The following PM20D1 variants were observed in gnomAD, a reference collection of about 807,000 sequenced individuals.
PM20D1 encodes N-fatty-acyl-amino acid synthase/hydrolase PM20D1.
PM20D1 carries 53 observed loss-of-function variants against 53.8 expected under a neutral mutation model. The observed-to-expected ratio is 0.98, with a 90% CI of 0.79 to 1.24. PM20D1 has a LOEUF of 1.24. Ranked by LOEUF, PM20D1 falls within the 50% of genes most tolerant of loss-of-function variation. The pLI is 0.00. For missense variants in PM20D1, 564 were observed against 616.8 expected (o/e 0.91, Z 0.91); for synonymous variants, 239 against 241.3 (o/e 0.99, Z 0.09).
intron 9 of PM20D1, among the ~76,000 whole-genome samples, 192 bp from the exon 10 acceptor site, chr1:205,840,515 G>A (rs908095560): frequency 6.6e-6 from 1 of 152,184 alleles, no homozygotes; most frequent in Non-Finnish European, 1.5e-5. Context: ...AGCTGAAGGG[G>A]TGTCTCTGCT....
At chr1:205,841,139 C>A (rs1055565844) in intron 9 of PM20D1, among the ~76,000 whole-genome samples, 21 of 152,040 alleles carry the variant, frequency 1.4e-4, no homozygotes, top group Admixed American at 1.3e-3. Flanking sequence ...TTTCCCAGGT[C>A]CAGTTGTAAA....
At chr1:205,842,508 T>C (rs928724711) in intron 7 of PM20D1, among the ~76,000 whole-genome samples, 168 bp downstream of exon 7, 1 of 152,174 alleles carries the variant, frequency 6.6e-6, no homozygotes, top group Admixed American at 6.5e-5. Context: ...CTAACAGCCG[T>C]AGAGAACAAG....
intron 10 of PM20D1, among the ~76,000 whole-genome samples, chr1:205,836,379 G>A (rs1244015691): frequency 2.0e-5 from 3 of 152,242 alleles, no homozygotes; most frequent in Non-Finnish European, 2.9e-5. Context: ...AAGACAGGTT[G>A]TCATCCCATC....
chr1:205,845,583 A>G (rs1001413641), intron 2 of PM20D1, 26 bp from the exon 3 acceptor site: 3 of 1,580,034 alleles, frequency 1.9e-6, no homozygotes, highest in Non-Finnish European at 2.6e-6. Context: ...GCAGGAAGAG[A>G]GAACCAGGGT....
chr1:205,839,647 C>T lies in PM20D1; in HGVS notation c.1116+605G>A, dbSNP rs528686055. 5.3e-5 allele frequency among the ~76,000 whole-genome samples: 8 copies of T among 152,102 alleles called. No individual in the cohort carries two copies. The East Asian group carries it at 1.4e-3, about 26-fold the overall frequency. On this transcript the variant is annotated intron_variant, in intron 10 of 12. Coordinates refer to ENST00000367136, the MANE Select transcript of PM20D1 (RefSeq NM_152491.5). ...GCTCACAAGGTCAGGAGATCAAGAC[C>T]ACTCTGGCTAACACGGTGAAACACC...
chr1:205,845,364 G>T lies in PM20D1; in HGVS notation c.450C>A (p.Ile150=), dbSNP rs776515144. The T allele has an allele frequency of 1.2e-6, 2 of 1,614,176 alleles. No homozygotes were observed. Among genetic ancestry groups the T allele is most frequent in the South Asian group, 2.2e-5 (2 of 91,078 alleles). ...PFSGLERDGI[I]YGRGTLDDKN... is the part of the protein sequence containing the mutation. ...TGTCGTCCAGTGTGCCCCGACCATA[G>T]ATGATGCCATCACGCTCCAACCCAG... Residue 150 remains isoleucine (I), a synonymous_variant, in exon 3 of 13, where the codon ATC becomes ATA. Transcript: ENST00000367136.
intron 3 of PM20D1, 133 bp downstream of exon 3, chr1:205,845,192 G>A (rs759964830): frequency 2.2e-6 from 2 of 901,568 alleles, no homozygotes; most frequent in Non-Finnish European, 1.7e-6. Flanking sequence ...GTGACAAACT[G>A]ATGGCTGGAA....
At chr1:205,837,857 G>GA (rs1264851227) in intron 10 of PM20D1, among the ~76,000 whole-genome samples, 3 of 152,206 alleles carry the variant, frequency 2.0e-5, no homozygotes, top group Admixed American at 6.5e-5. Flanking sequence ...AATGAGGCTG[G>GA]AAAAAAACTA....
chr1:205,840,435 A>G, intron 9 of PM20D1, 112 bp from the exon 10 acceptor site: 1 of 877,942 alleles, frequency 1.1e-6, no homozygotes, highest in Non-Finnish European at 1.8e-6. Context: ...GATTTGACTT[A>G]AGGACCCAAG....
At chr1:205,848,765 A>G (rs569718601) in intron 1 of PM20D1, among the ~76,000 whole-genome samples, 21 of 152,332 alleles carry the variant, frequency 1.4e-4, no homozygotes, top group African/African-American at 4.6e-4. Flanking sequence ...TCTCTGAAAG[A>G]CAAACTTCAT....
At chr1:205,829,658 T>C (rs977404048) in intron 12 of PM20D1, among the ~76,000 whole-genome samples, 1 of 152,236 alleles carries the variant, frequency 6.6e-6, no homozygotes, top group African/African-American at 2.4e-5. Flanking sequence ...CTTAAGCTCC[T>C]ATTCAAATAT....
At chr1:205,839,672 C>T (rs925831254) in intron 10 of PM20D1, among the ~76,000 whole-genome samples, 16 of 151,744 alleles carry the variant, frequency 1.1e-4, no homozygotes, top group Non-Finnish European at 2.1e-4. Context: ...GGTGAAACAC[C>T]GTCTCTACTA....
At chr1:205,833,602 C>G (rs2102523742) in intron 10 of PM20D1, among the ~76,000 whole-genome samples, 1 of 152,304 alleles carries the variant, frequency 6.6e-6, no homozygotes, top group Non-Finnish European at 1.5e-5. Context: ...TCTGAAACGA[C>G]TAGAGTGAAT....
intron 9 of PM20D1, 51 bp downstream of exon 9, chr1:205,841,760 G>T: frequency 6.8e-7 from 1 of 1,468,222 alleles, no homozygotes; most frequent in South Asian, 1.2e-5. Flanking sequence ...AGGAAGGGAG[G>T]AGTGGAGGGC....
rs529447108 is a variant in PM20D1 at position 205,828,632 on chromosome 1, C to G, written c.1497G>C (p.Leu499=). The G allele has an allele frequency of 8.5e-5, 138 of 1,614,108 alleles. 3 individuals carry two copies. The highest frequency in any genetic ancestry group is 6.7e-4 in the South Asian group (61 of 91,080). Residue 499 remains leucine, a synonymous_variant, in exon 13 of 13, where the codon CTG becomes CTC. Coordinates refer to ENST00000367136, the MANE Select transcript of PM20D1 (RefSeq NM_152491.5). ...AGGCCCCTTGACCTCACAGTTTGTG[C>G]AGGTGAGAAACTGGCTCCTGGTCTG... is the stretch of plus-strand genomic sequence containing the variant. ...ADTDQEPVSH[L]HKL is the part of the protein sequence containing the mutation.
intron 9 of PM20D1, 114 bp from the exon 10 acceptor site, chr1:205,840,437 G>A: frequency 1.1e-6 from 1 of 886,178 alleles, no homozygotes; most frequent in Non-Finnish European, 1.7e-6. Context: ...TTTGACTTAA[G>A]GACCCAAGGC....
chr1:205,843,280 G>A (rs1222012375), intron 6 of PM20D1, among the ~76,000 whole-genome samples: 1 of 152,140 alleles, frequency 6.6e-6, no homozygotes, highest in African/African-American at 2.4e-5. Context: ...CCTAGCTTCT[G>A]CCTGTAGGTC....
At chr1:205,842,382 C>A (rs1571676513) in intron 7 of PM20D1, among the ~76,000 whole-genome samples, 167 bp from the exon 8 acceptor site, 1 of 152,152 alleles carries the variant, frequency 6.6e-6, no homozygotes, top group Admixed American at 6.5e-5. Context: ...AATAGGGAGG[C>A]AATTACTGTC....
At chr1:205,848,220 C>G (rs1237455477) in intron 1 of PM20D1, among the ~76,000 whole-genome samples, 1 of 152,104 alleles carries the variant, frequency 6.6e-6, no homozygotes, top group Non-Finnish European at 1.5e-5. Flanking sequence ...TTTGTTTAGG[C>G]TGATATGGTT....
Sources: allele counts gnomAD v4.1 joint callset (sites outside exome capture counted in the v4.1 genomes callset), GRCh38; gene constraint gnomAD v4.1.1; transcripts MANE v1.5; gene names NCBI Gene and HGNC (gene_info 2026-07-23, HGNC 2026-07-21).